Variants in DNAH5 observed in about 807,000 individuals in gnomAD.
The protein encoded by DNAH5 is dynein axonemal heavy chain 5.
A neutral mutation model predicts 518.2 loss-of-function variants in DNAH5; 372 were observed. The observed-to-expected ratio is 0.72, with a 90% CI of 0.66 to 0.78. DNAH5 has a LOEUF of 0.78. Among genes scored for constraint, DNAH5 ranks in the 30% least tolerant of loss-of-function variants. The pLI is 0.00. For missense variants in DNAH5, 5,523 were observed against 5,687.0 expected (o/e 0.97, Z 0.93); for synonymous variants, 2,039 against 2,025.9 (o/e 1.01, Z -0.17).
chr5:13,747,880 T>C (rs1424121479), intron 65 of DNAH5, among the ~76,000 whole-genome samples: 1 of 152,234 alleles, frequency 6.6e-6, no homozygotes, highest in East Asian at 1.9e-4. Context: ...AGAAGCTCTT[T>C]AGTTTTGTCA....
chr5:13,999,399 C>G (rs969205928), intron 1 of DNAH5, among the ~76,000 whole-genome samples: 5 of 152,224 alleles, frequency 3.3e-5, no homozygotes, highest in African/African-American at 1.2e-4. Context: ...CCATTCCACT[C>G]TTTGCATCTA....
intron 75 of DNAH5, among the ~76,000 whole-genome samples, chr5:13,711,991 T>C (rs774603944): frequency 2.0e-5 from 3 of 152,156 alleles, no homozygotes; most frequent in Non-Finnish European, 4.4e-5. Context: ...ACCATCATTC[T>C]TCAAAGAATG....
Position 13,925,780 on chromosome 5 carries a change from C to T in DNAH5, c.277+2314G>A, listed in dbSNP as rs144512956. On this transcript the variant is annotated intron_variant, in intron 3 of 78. Transcript: ENST00000265104. ...TGAGATTTGGGTGGCGACACAGAGC[C>T]AAACCATATCATGCTATGCAAACGG... Among the ~76,000 whole-genome samples, 189 of 152,250 alleles carry T rather than the reference C, an allele frequency of 1.2e-3. 1 individual carries two copies. The highest frequency in any genetic ancestry group is 4.4e-3 in the African/African-American group (182 of 41,550).
chr5:13,719,551 A>C (rs537352902), intron 71 of DNAH5, among the ~76,000 whole-genome samples: 1 of 152,350 alleles, frequency 6.6e-6, no homozygotes, highest in South Asian at 2.1e-4. Context: ...TTGAATCCTA[A>C]GCTAGCATTT....
intron 61 of DNAH5, among the ~76,000 whole-genome samples, chr5:13,754,675 A>C (rs1750732515): frequency 6.6e-6 from 1 of 151,892 alleles, no homozygotes. Flanking sequence ...AGTAGCTGGG[A>C]TTACAAGCAT....
chr5:13,900,351 TC>T lies in DNAH5; in HGVS notation c.2113del (p.Glu705AsnfsTer4). On this transcript the variant is annotated frameshift_variant, in exon 15 of 79. Coordinates refer to ENST00000265104, the MANE Select transcript of DNAH5 (RefSeq NM_001369.3). LOFTEE classifies it high-confidence loss of function. ...CTGAGGGTCAAAGTTTACAAACAATTCCCCTGTGCCTGGAGCCTTCACCAAT... is the reference window on the plus strand; with the variant it reads ...CTGAGGGTCAAAGTTTACAAACAATTCCCTGTGCCTGGAGCCTTCACCAAT... Reference protein sequence around the residue: ...SLLVKAPGTGELFVNFDPQIL... With the variant: ...SLLVKAPGTGXLFVNFDPQIL... 6.2e-7 allele frequency: 1 copy of T among 1,614,074 alleles called. No individual in the cohort carries two copies. The highest frequency in any genetic ancestry group is 1.1e-5 in the South Asian group (1 of 91,062).
intron 52 of DNAH5, among the ~76,000 whole-genome samples, chr5:13,782,759 A>G (rs557307408): frequency 6.6e-6 from 1 of 152,328 alleles, no homozygotes. Flanking sequence ...AAACCCTCAA[A>G]ACATATCTGA....
At chr5:13,887,808 C>T (rs1772643197) in intron 17 of DNAH5, among the ~76,000 whole-genome samples, 1 of 152,138 alleles carries the variant, frequency 6.6e-6, no homozygotes, top group Admixed American at 6.5e-5. Flanking sequence ...CCCAAATGAA[C>T]CAGGTGACCT....
chr5:13,832,474 T>G (rs940277619), intron 35 of DNAH5, among the ~76,000 whole-genome samples: 1 of 152,246 alleles, frequency 6.6e-6, no homozygotes, highest in African/African-American at 2.4e-5. Context: ...ATTCTACATG[T>G]GAGTGTATCT....
chr5:13,906,988 A>C (rs191253979), intron 12 of DNAH5, among the ~76,000 whole-genome samples: 2 of 152,284 alleles, frequency 1.3e-5, no homozygotes, highest in African/African-American at 4.8e-5. Flanking sequence ...AATGCAATAA[A>C]ATTAAAAACA....
rs1323206082 is a variant in DNAH5, at chr5:13,735,870, A to G, written c.11518T>C (p.Tyr3840His). Residue 3840 changes from tyrosine to histidine, a missense_variant, in exon 67 of 79, where the codon TAT becomes CAT. Coordinates refer to ENST00000265104, the MANE Select transcript of DNAH5 (RefSeq NM_001369.3). The stretch of plus-strand genomic sequence containing the variant: ...AGAAACTGGCGAAGCGAAGTCTGAT[A>G]CATCTCATTAACCAAGCGCATCTCA... Reference protein sequence around the residue: ...ITEMRLVNEMYQTSLRQFLGL... With the variant: ...ITEMRLVNEMHQTSLRQFLGL... 6.2e-7 allele frequency: 1 copy of G among 1,614,200 alleles called. No individual in the cohort carries two copies. Among genetic ancestry groups the G allele is most frequent in the South Asian group, 1.1e-5 (1 of 91,090 alleles).
At chr5:13,816,512 G>C (rs1761456152) in intron 42 of DNAH5, among the ~76,000 whole-genome samples, 1 of 136,704 alleles carries the variant, frequency 7.3e-6, no homozygotes, top group Admixed American at 7.6e-5. Context: ...GAGTCACTTT[G>C]AAAGAAAAAG....
chr5:13,955,557 G>C (rs1342866348), intron 1 of DNAH5, among the ~76,000 whole-genome samples: 1 of 152,168 alleles, frequency 6.6e-6, no homozygotes, highest in African/African-American at 2.4e-5. Context: ...AGAGCAGTAA[G>C]AGAAAATCTA....
chr5:13,870,852 AG>A lies in DNAH5; in HGVS notation c.3748del (p.Leu1250Ter). The A allele has an allele frequency of 6.2e-7, 1 of 1,613,896 alleles. No individual in the cohort carries two copies. The highest frequency in any genetic ancestry group is 8.5e-7 in the Non-Finnish European group (1 of 1,179,844). ...TGCCATTGCAATCCGAATATCATCT[AG>A]GTCCTTAATTGGACGATTTAGTTTC... ...NKKLNRPIKD[L>X]DDIRIAMAAL... On this transcript the variant is annotated frameshift_variant, in exon 24 of 79. Coordinates refer to ENST00000265104, the MANE Select transcript of DNAH5 (RefSeq NM_001369.3). LOFTEE classifies it high-confidence loss of function.
At chr5:13,778,564 AAG>A (rs1754508435) in intron 53 of DNAH5, among the ~76,000 whole-genome samples, 4 of 69,108 alleles carry the variant, frequency 5.8e-5, no homozygotes, top group African/African-American at 1.1e-4. Flanking sequence ...GAAAGAAAGA[AAG>A]AAAGAAAGAA....
intron 11 of DNAH5, among the ~76,000 whole-genome samples, chr5:13,913,122 A>T (rs1049841849): frequency 6.6e-6 from 1 of 152,068 alleles, no homozygotes; most frequent in African/African-American, 2.4e-5. Context: ...AAAAGAAAAA[A>T]ATTGACTATG....
intron 63 of DNAH5, 96 bp downstream of exon 63, chr5:13,753,137 T>A: frequency 1.1e-6 from 1 of 880,566 alleles, no homozygotes; most frequent in Non-Finnish European, 1.9e-6. Flanking sequence ...CAAAAACATC[T>A]CTAGTGTTTT....
chr5:13,760,013 T>C (rs945177251), intron 60 of DNAH5, among the ~76,000 whole-genome samples: 1 of 152,212 alleles, frequency 6.6e-6, no homozygotes, highest in Non-Finnish European at 1.5e-5. Context: ...GCATCGCTTG[T>C]AAGTTACAAT....
intron 2 of DNAH5, among the ~76,000 whole-genome samples, chr5:13,930,128 C>T (rs930864058): frequency 1.3e-5 from 2 of 152,114 alleles, no homozygotes; most frequent in African/African-American, 4.8e-5. Flanking sequence ...TACCCATTTT[C>T]GTGTTATCCA....
Sources: allele counts gnomAD v4.1 joint callset (sites outside exome capture counted in the v4.1 genomes callset), GRCh38; gene constraint gnomAD v4.1.1; transcripts MANE v1.5; gene names NCBI Gene and HGNC (gene_info 2026-07-23, HGNC 2026-07-21).